FRMD5: variants seen among roughly 807,000 people sequenced by gnomAD.
The protein encoded by FRMD5 is FERM domain containing 5.
In FRMD5, 20 loss-of-function variants were observed where a neutral mutation model predicts 69.0. The ratio of observed to expected loss-of-function variants is 0.29; its 90% CI spans 0.20 to 0.42. The LOEUF is 0.42. Among genes scored for constraint, FRMD5 ranks in the 10% least tolerant of loss-of-function variants. The pLI, the probability that FRMD5 is intolerant of heterozygous loss-of-function variation, is 1.00. For missense variants in FRMD5, 595 were observed against 708.6 expected, an observed-to-expected ratio of 0.84 and a Z score of 1.82; for synonymous variants, 271 against 260.1, an observed-to-expected ratio of 1.04 and a Z score of -0.40.
intron 1 of FRMD5, among the ~76,000 whole-genome samples, chr15:44,183,976 C>CAAAA (rs71421823): frequency 8.1e-6 from 1 of 123,934 alleles, no homozygotes; most frequent in Non-Finnish European, 1.7e-5. Flanking sequence ...GTCTCCGTCT[C>CAAAA]AAAAAAAAAA....
chr15:44,080,733 C>T (rs1194162212), intron 1 of FRMD5, among the ~76,000 whole-genome samples: 2 of 152,056 alleles, frequency 1.3e-5, no homozygotes, highest in African/African-American at 4.8e-5. Context: ...AGCATTAGCA[C>T]ATCATTTTTA....
At chr15:44,002,773 T>C (rs1460425203) in intron 1 of FRMD5, among the ~76,000 whole-genome samples, 1 of 152,196 alleles carries the variant, frequency 6.6e-6, no homozygotes, top group Non-Finnish European at 1.5e-5. Context: ...CGCGGGGCTG[T>C]CTGCCTGTGG....
At chr15:43,881,414 C>A (rs1189859597) in intron 13 of FRMD5, among the ~76,000 whole-genome samples, 1 of 152,154 alleles carries the variant, frequency 6.6e-6, no homozygotes, top group Non-Finnish European at 1.5e-5. Context: ...GAGGAAACAC[C>A]AGGAGGCTGT....
At chr15:44,164,426 TAAGG>T (rs1390287851) in intron 1 of FRMD5, among the ~76,000 whole-genome samples, 1 of 152,132 alleles carries the variant, frequency 6.6e-6, no homozygotes, top group Non-Finnish European at 1.5e-5. Context: ...AAAATCAGCC[TAAGG>T]ATCAGGGACC....
At chr15:44,132,967 T>A (rs1437546946) in intron 1 of FRMD5, among the ~76,000 whole-genome samples, 1 of 151,514 alleles carries the variant, frequency 6.6e-6, no homozygotes, top group Non-Finnish European at 1.5e-5. Context: ...TTCACCACGT[T>A]AGCCGGGATG....
At chr15:44,085,179 G>A (rs1367179203) in intron 1 of FRMD5, among the ~76,000 whole-genome samples, 1 of 152,068 alleles carries the variant, frequency 6.6e-6, no homozygotes, top group Admixed American at 6.6e-5. Flanking sequence ...GTGGTTTGGA[G>A]AATATTCATT....
At chr15:44,144,704 A>G (rs1234814463) in intron 1 of FRMD5, among the ~76,000 whole-genome samples, 2 of 152,346 alleles carry the variant, frequency 1.3e-5, no homozygotes, top group East Asian at 1.9e-4. Flanking sequence ...AAACACTTGC[A>G]TAATTCATAA....
intron 1 of FRMD5, among the ~76,000 whole-genome samples, chr15:43,998,745 G>T (rs561481882): frequency 4.6e-5 from 7 of 152,238 alleles, no homozygotes; most frequent in Admixed American, 2.6e-4. Flanking sequence ...CCAGGAAATT[G>T]ATGAGATAAG....
chr15:44,113,549 A>G (rs2076828743), intron 1 of FRMD5, among the ~76,000 whole-genome samples: 1 of 152,336 alleles, frequency 6.6e-6, no homozygotes, highest in Middle Eastern at 3.4e-3. Flanking sequence ...CCTTTGTGTT[A>G]CAAACAATCT....
intron 1 of FRMD5, among the ~76,000 whole-genome samples, chr15:44,168,342 G>C (rs576842008): frequency 2.4e-4 from 37 of 152,336 alleles, no homozygotes; most frequent in Non-Finnish European, 4.7e-4. Flanking sequence ...AGACTAGACT[G>C]TGACTAAGGG....
chr15:43,939,078 C>T (rs1019746824), intron 1 of FRMD5, among the ~76,000 whole-genome samples: 2 of 151,834 alleles, frequency 1.3e-5, no homozygotes, highest in Admixed American at 6.6e-5. Context: ...CCCATGTTGG[C>T]CTGGCAGGTC....
chr15:43,958,459 C>A (rs761410510), intron 1 of FRMD5, among the ~76,000 whole-genome samples: 2 of 152,210 alleles, frequency 1.3e-5, no homozygotes, highest in Non-Finnish European at 2.9e-5. Flanking sequence ...AGGTCTCACT[C>A]TGTCGCCCAG....
Position 43,889,022 on chromosome 15 carries a change from C to T in FRMD5, c.729-150G>A, listed in dbSNP as rs2088732500. ...TCAGAACTGAAACAAGACAGCAGCG[C>T]AGTGGCCTTAGAGAATGTTGTTGAA... is the stretch of plus-strand genomic sequence containing the variant. On this transcript the variant is annotated intron_variant, in intron 8 of 13. Transcript: ENST00000417257. 77 of 661,110 alleles carry T rather than the reference C, an allele frequency of 1.2e-4. 2 individuals are homozygous for T. In the South Asian group the frequency reaches 1.4e-3, roughly 12 times the overall value. 41.0% of individuals were successfully genotyped at this position (661,110 alleles called of 1,614,324 possible). A position where few individuals can be genotyped will look rare whatever the true frequency, so the allele number is the denominator to read the frequency against.
At chr15:43,902,747 G>C (rs1192783242) in intron 6 of FRMD5, among the ~76,000 whole-genome samples, 1 of 150,636 alleles carries the variant, frequency 6.6e-6, no homozygotes, top group Non-Finnish European at 1.5e-5. Flanking sequence ...TAAAAGAAAA[G>C]TCAGAGATAC....
At chr15:44,179,030 A>G (rs1230427272) in intron 1 of FRMD5, among the ~76,000 whole-genome samples, 1 of 151,690 alleles carries the variant, frequency 6.6e-6, no homozygotes, top group East Asian at 1.9e-4. Flanking sequence ...ATAAATACCC[A>G]AGTCTAATCA....
intron 1 of FRMD5, among the ~76,000 whole-genome samples, chr15:44,103,396 G>A (rs924512971): frequency 2.6e-5 from 4 of 152,156 alleles, no homozygotes; most frequent in Non-Finnish European, 5.9e-5. Context: ...GAATAGTTTT[G>A]ATTAGACATA....
At chr15:44,135,401 G>A (rs537761938) in intron 1 of FRMD5, among the ~76,000 whole-genome samples, 10 of 152,228 alleles carry the variant, frequency 6.6e-5, no homozygotes, top group Admixed American at 3.9e-4. Flanking sequence ...TTTCCTTACA[G>A]TACCTATTCC....
intron 1 of FRMD5, among the ~76,000 whole-genome samples, chr15:44,139,714 G>A (rs1301814148): frequency 1.5e-5 from 1 of 66,260 alleles, no homozygotes; most frequent in African/African-American, 5.5e-5. Context: ...AATAAAGTGA[G>A]ACCCAGTCTC....
rs1388849323 is a variant in FRMD5, at chr15:43,887,698, C to T, written c.884+477G>A. Among the ~76,000 whole-genome samples the T allele has an allele frequency of 2.6e-5, 4 of 152,200 alleles. No homozygotes were observed. In the East Asian group the frequency reaches 5.8e-4, roughly 22 times the overall value. Reference sequence around the variant, plus strand: ...CCACTCATCCCAGAGCAGTTCTCATCTCTCCAGGATCCTTCAGGTTACTGG... The same window carrying T: ...CCACTCATCCCAGAGCAGTTCTCATTTCTCCAGGATCCTTCAGGTTACTGG... On this transcript the variant is annotated intron_variant, in intron 10 of 13. Transcript: ENST00000417257.
Sources: allele counts gnomAD v4.1 joint callset (sites outside exome capture counted in the v4.1 genomes callset), GRCh38; gene constraint gnomAD v4.1.1; transcripts MANE v1.5; gene names NCBI Gene and HGNC (gene_info 2026-07-23, HGNC 2026-07-21).